Variants in DLG2 observed in about 807,000 individuals in gnomAD.
DLG2 encodes the protein discs large MAGUK scaffold protein 2.
In DLG2, 45 loss-of-function variants were observed where a neutral mutation model predicts 132.5. The ratio of observed to expected loss-of-function variants is 0.34; its 90% CI spans 0.27 to 0.44. The LOEUF is 0.44. Ranked by LOEUF, DLG2 falls within the 20% of genes least tolerant of loss-of-function variation. The pLI, the probability that DLG2 is intolerant of heterozygous loss-of-function variation, is 1.00. For missense variants in DLG2, 1,045 were observed against 1,196.9 expected (o/e 0.87, Z 1.87); for synonymous variants, 424 against 419.6 (o/e 1.01, Z -0.13).
chr11:85,022,257 CACTAAAA>C (rs2060143332), intron 6 of DLG2, among the ~76,000 whole-genome samples: 2 of 151,376 alleles, frequency 1.3e-5, no homozygotes, highest in Non-Finnish European at 3.0e-5. Context: ...AAGAATGAAA[CACTAAAA>C]AGAAAATTAG....
intron 7 of DLG2, among the ~76,000 whole-genome samples, chr11:84,497,554 C>T (rs2099188241): frequency 6.6e-6 from 1 of 152,074 alleles, no homozygotes; most frequent in Non-Finnish European, 1.5e-5. Context: ...ATACTGTTAC[C>T]TCCAAAGGAG....
intron 19 of DLG2, among the ~76,000 whole-genome samples, chr11:83,584,959 C>A (rs1182775494): frequency 1.3e-5 from 2 of 152,314 alleles, no homozygotes; most frequent in Non-Finnish European, 1.5e-5. Context: ...AGTGAAATTA[C>A]TCCTCTACTT....
intron 6 of DLG2, among the ~76,000 whole-genome samples, chr11:84,634,560 T>A (rs2099637389): frequency 6.6e-6 from 1 of 152,224 alleles, no homozygotes. Flanking sequence ...TTTCATTTTC[T>A]GTATGTCACC....
chr11:84,165,638 A>G (rs1365190165), intron 8 of DLG2, among the ~76,000 whole-genome samples: 3 of 152,080 alleles, frequency 2.0e-5, no homozygotes, highest in Non-Finnish European at 4.4e-5. Context: ...GGTGGTTCAC[A>G]CCTGTAATCT....
intron 16 of DLG2, among the ~76,000 whole-genome samples, chr11:83,834,543 TG>T (rs1270067264): frequency 6.6e-6 from 1 of 151,822 alleles, no homozygotes; most frequent in East Asian, 1.9e-4. Context: ...GAGAGATGAG[TG>T]GAATCCAGGG....
chr11:85,425,314 AC>A (rs1228473623), intron 3 of DLG2, among the ~76,000 whole-genome samples: 1 of 152,216 alleles, frequency 6.6e-6, no homozygotes, highest in African/African-American at 2.4e-5. Context: ...AAAGGTTAAT[AC>A]TTATAATTTT....
At chr11:85,499,108 C>T (rs2093734811) in intron 3 of DLG2, among the ~76,000 whole-genome samples, 1 of 152,040 alleles carries the variant, frequency 6.6e-6, no homozygotes, top group Non-Finnish European at 1.5e-5. Context: ...CAGAGCAGAA[C>T]TGTAGGAAGT....
chr11:83,588,084 A>C (rs555409551), intron 19 of DLG2, among the ~76,000 whole-genome samples: 11 of 152,064 alleles, frequency 7.2e-5, no homozygotes, highest in African/African-American at 1.4e-4. Flanking sequence ...CCCAGGCTTG[A>C]TTAGGTAAAC....
At chr11:83,679,338 A>G (rs2078328558) in intron 18 of DLG2, among the ~76,000 whole-genome samples, 2 of 152,176 alleles carry the variant, frequency 1.3e-5, no homozygotes, top group Non-Finnish European at 1.5e-5. Context: ...ATTTTAATAC[A>G]ATGTTAGGGC....
intron 6 of DLG2, among the ~76,000 whole-genome samples, chr11:84,887,737 TA>T (rs1251489319): frequency 1.3e-5 from 2 of 152,146 alleles, no homozygotes; most frequent in East Asian, 1.9e-4. Flanking sequence ...TACTTGCCCA[TA>T]GTCACATTTC....
chr11:83,833,553 A>G, intron 17 of DLG2, 61 bp downstream of exon 17: 1 of 1,502,962 alleles, frequency 6.7e-7, no homozygotes, highest in Non-Finnish European at 9.0e-7. Context: ...ATTGAAAGTT[A>G]TGACTTTTTC....
In DLG2 at chr11:84,400,803, G is replaced by T. The variant is rs562557035; in HGVS notation, c.519+133767C>A. Among the ~76,000 whole-genome samples, 3 of 151,956 alleles carry T rather than the reference G, an allele frequency of 2.0e-5. No individual in the cohort carries two copies. The South Asian group carries it at 6.2e-4, about 32-fold the overall frequency. ...TTTAAGGATTTTTCCCTAATATTTT[G>T]ATTATAGTTGTGTATTTTTTTCTAA... On this transcript the variant is annotated intron_variant, in intron 7 of 27. Coordinates refer to ENST00000376104, the MANE Select transcript of DLG2 (RefSeq NM_001142699.3).
intron 6 of DLG2, among the ~76,000 whole-genome samples, chr11:84,829,053 A>C (rs909045764): frequency 5.3e-5 from 8 of 151,718 alleles, no homozygotes; most frequent in Non-Finnish European, 1.5e-5. Context: ...TCAGTAGTGG[A>C]TATTTCAGGT....
chr11:83,610,966 C>T (rs1031415567), intron 19 of DLG2, among the ~76,000 whole-genome samples: 1 of 152,164 alleles, frequency 6.6e-6, no homozygotes, highest in African/African-American at 2.4e-5. Flanking sequence ...AGAACCTCAT[C>T]TTTTAAATGG....
chr11:85,320,051 C>T (rs893295540), intron 3 of DLG2, among the ~76,000 whole-genome samples: 1 of 151,812 alleles, frequency 6.6e-6, no homozygotes, highest in Non-Finnish European at 1.5e-5. Context: ...CTCTTTGAGC[C>T]TCTCATATAT....
rs1314649987 is a variant in DLG2 at position 83,482,090 on chromosome 11, T to TATCA, written c.2293+2035_2293+2038dup. 2.6e-5 allele frequency among the ~76,000 whole-genome samples: 4 copies of TATCA among 152,122 alleles called. No individual in the cohort carries two copies. The East Asian group carries it at 5.8e-4, about 22-fold the overall frequency. ...AGCCACTAATTCAGGAAAAATTTTC[T>TATCA]ATCATATTCCATATAGTAACTCAAA... On this transcript the variant is annotated intron_variant, in intron 22 of 27. Coordinates refer to ENST00000376104, the MANE Select transcript of DLG2 (RefSeq NM_001142699.3).
At chr11:84,016,016 C>T (rs1365833198) in intron 11 of DLG2, among the ~76,000 whole-genome samples, 2 of 152,104 alleles carry the variant, frequency 1.3e-5, no homozygotes, top group African/African-American at 4.8e-5. Context: ...AAAAGCATTC[C>T]TTTTTCTCCA....
intron 4 of DLG2, among the ~76,000 whole-genome samples, chr11:85,205,299 A>G (rs967815034): frequency 2.0e-5 from 3 of 151,886 alleles, no homozygotes; most frequent in African/African-American, 4.8e-5. Flanking sequence ...GACAAATAAC[A>G]TATGTTCTCA....
At chr11:85,578,887 A>G (rs1242979286) in intron 3 of DLG2, among the ~76,000 whole-genome samples, 5 of 152,242 alleles carry the variant, frequency 3.3e-5, no homozygotes, top group African/African-American at 1.2e-4. Flanking sequence ...CTGGGTATAT[A>G]CCCAAAAGAA....
Sources: allele counts gnomAD v4.1 joint callset (sites outside exome capture counted in the v4.1 genomes callset), GRCh38; gene constraint gnomAD v4.1.1; transcripts MANE v1.5; gene names NCBI Gene and HGNC (gene_info 2026-07-23, HGNC 2026-07-21).